The following PXN variants were observed in gnomAD, a reference collection of about 807,000 sequenced individuals.
The protein encoded by PXN is testicular tissue protein Li 134.
PXN carries 61 observed loss-of-function variants against 103.6 expected under a neutral mutation model. That is an observed-to-expected ratio of 0.59 (90% confidence interval 0.48 to 0.73). The LOEUF is 0.73. PXN is among the 30% of genes least tolerant of loss of function. The probability of loss-of-function intolerance (pLI) is 0.00; values close to 1 mark genes in which losing one functional copy is unlikely to be tolerated. For missense variants in PXN, 1,274 were observed against 1,460.3 expected, an observed-to-expected ratio of 0.87 and a Z score of 2.08; for synonymous variants, 562 against 607.8, an observed-to-expected ratio of 0.92 and a Z score of 1.11.
At chr12:120,239,580 T>TCAAAAA (rs1176319948) in intron 1 of PXN, among the ~76,000 whole-genome samples, 5 of 151,718 alleles carry the variant, frequency 3.3e-5, no homozygotes, top group Non-Finnish European at 5.9e-5. Context: ...AGACTCCGTC[T>TCAAAAA]CAAAAACAAA....
rs1880460060 is a variant in PXN, at chr12:120,212,410, G to A, written c.3150C>T (p.Val1050=). 6.2e-7 allele frequency: 1 copy of A among 1,613,914 alleles called. No individual in the cohort carries two copies. The highest frequency in any genetic ancestry group is 1.7e-5 in the Admixed American group (1 of 60,008). The change falls in exon 15 of 15, where the codon GTC becomes GTT. Residue 1050 remains valine, a synonymous_variant. Transcript: ENST00000637617. The surrounding 1 kb of genome is among the most constrained non-coding windows in gnomAD (Gnocchi z 7.2). ...TGAGCTGCTTGAGGCAGAAGGCACA[G>A]ACGAAGTGCTCGGGGTGGAACTTCT... ...MAKKFHPEHF[V]CAFCLKQLNK... is the part of the protein sequence containing the mutation.
At chr12:120,246,246 G>C (rs1891092634) in intron 1 of PXN, among the ~76,000 whole-genome samples, 1 of 152,070 alleles carries the variant, frequency 6.6e-6, no homozygotes, top group South Asian at 2.1e-4. Context: ...AAAAAATTAG[G>C]CTGGGCACAG....
rs377762381 is a variant in PXN at position 120,215,516 on chromosome 12, G to A, written c.2403+44C>T. 1.3e-6 allele frequency: 2 copies of A among 1,535,202 alleles called. No individual in the cohort carries two copies. Among genetic ancestry groups the A allele is most frequent in the Non-Finnish European group, 1.7e-6 (2 of 1,143,402 alleles). ...CCCAGCAGGCATGGCCAAGCCCAGG[G>A]AGAGCACGACACGCAGGACACCCAG... On this transcript the variant is annotated intron_variant, in intron 10 of 14. Transcript: ENST00000637617. The surrounding 1 kb of genome is among the most constrained non-coding windows in gnomAD (Gnocchi z 4.9).
Position 120,219,579 on chromosome 12 carries a change from T to A in PXN, c.1344A>T (p.Arg448Ser), listed in dbSNP as rs779568276. 5 of 1,570,646 alleles carry A rather than the reference T, an allele frequency of 3.2e-6. No homozygotes were observed. The highest frequency in any genetic ancestry group is 4.3e-6 in the Non-Finnish European group (5 of 1,165,832). The stretch of plus-strand genomic sequence containing the variant: ...TTCGAGCAGCTCCAGAGGGGGGCAT[T>A]CTCTCAGGCCCGAATACCTCCGAAG... ...PWASEVFGPERMPPSGAARSF... is the reference protein window; with the variant it reads ...PWASEVFGPESMPPSGAARSF... The change falls in exon 7 of 15, where the codon AGA (arginine) becomes AGT (serine). Residue 448 changes from arginine (R) to serine (S), a missense_variant. Physicochemically the swap from Arg to Ser is moderately radical, Grantham distance 110 (BLOSUM62 -1). Coordinates refer to ENST00000637617, the MANE Select transcript of PXN (RefSeq NM_001385981.1). This position sits in a 1 kb window ranked among gnomAD's most constrained non-coding sequence, Gnocchi z 6.5.
Position 120,215,445 on chromosome 12 carries a change from T to C in PXN, c.2403+115A>G. 6.8e-7 allele frequency: 1 copy of C among 1,461,998 alleles called. No individual in the cohort carries two copies. The highest frequency in any genetic ancestry group is 9.0e-7 in the Non-Finnish European group (1 of 1,110,104). 90.6% of individuals were successfully genotyped at this position (1,461,998 alleles called of 1,614,324 possible). A position where few individuals can be genotyped will look rare whatever the true frequency, so the allele number is the denominator to read the frequency against. On this transcript the variant is annotated intron_variant, in intron 10 of 14. Transcript: ENST00000637617. The surrounding 1 kb of genome is among the most constrained non-coding windows in gnomAD (Gnocchi z 4.9). The stretch of plus-strand genomic sequence containing the variant: ...AAAGTGGGAGTGACGTCAGCAGGAC[T>C]CCTGGTGGTCGGAGGGGCCCACCAG...
chr12:120,256,867 G>A lies in PXN; in HGVS notation c.13+8750C>T, dbSNP rs142371763. On this transcript the variant is annotated intron_variant, in intron 1 of 14. Coordinates refer to ENST00000637617, the MANE Select transcript of PXN (RefSeq NM_001385981.1). ...CGAGTAGCTGGGATTACAAGCATGC[G>A]CCACCACGCCCAGCTAATTTTGTAT... 8.5e-3 allele frequency among the ~76,000 whole-genome samples: 1,295 copies of A among 152,128 alleles called. 16 individuals are homozygous for A. Among genetic ancestry groups the A allele is most frequent in the African/African-American group, 0.03 (1,227 of 41,498 alleles).
chr12:120,223,745 C>T lies in PXN; in HGVS notation c.329G>A (p.Arg110Gln), dbSNP rs780455015. ...GTAGACGTGCTCCTCCTCACCCACT[C>T]GGGAGCACGGAGAGCCAACACTGTC... The part of the protein sequence containing the change: ...PQDSVGSPCS[R>Q]VGEEEHVYSF... Residue 110 changes from arginine to glutamine, a missense_variant, in exon 3 of 15, where the codon CGA becomes CAA. This residue lies in a region of PXN where 1,178 missense variants were observed against 1,309.0 expected (regional missense o/e 0.90). Coordinates refer to ENST00000637617, the MANE Select transcript of PXN (RefSeq NM_001385981.1). The T allele has an allele frequency of 8.7e-6, 14 of 1,604,324 alleles. No individual in the cohort carries two copies. The highest frequency in any genetic ancestry group is 2.7e-5 in the African/African-American group (2 of 74,748).
At chr12:120,246,514 CAAAAAAAAA>C (rs139689226) in intron 1 of PXN, among the ~76,000 whole-genome samples, 2 of 58,342 alleles carry the variant, frequency 3.4e-5, no homozygotes, top group East Asian at 3.7e-4. Context: ...GACTCTGTCT[CAAAAAAAAA>C]AAAAAAAAAA....
In PXN at chr12:120,214,146, AAAG is replaced by A; in HGVS notation, c.2817_2819del (p.Phe940del). 1 of 1,552,724 alleles carries A rather than the reference AAAG, an allele frequency of 6.4e-7. No homozygotes were observed. ...CGGTCCAGCCCGTACCTTCGGGACCAAAGAAGGCTCCACACTGTGCACAGAAGA... is the reference window on the plus strand; with the variant it reads ...CGGTCCAGCCCGTACCTTCGGGACCAAAGGCTCCACACTGTGCACAGAAGA... On this transcript the variant is annotated inframe_deletion, in exon 13 of 15. Transcript: ENST00000637617. This position sits in a 1 kb window ranked among gnomAD's most constrained non-coding sequence, Gnocchi z 5.0.
chr12:120,213,727 A>G lies in PXN; in HGVS notation c.2979+115T>C. The G allele has an allele frequency of 7.2e-7, 1 of 1,391,416 alleles. No homozygotes were observed. The highest frequency in any genetic ancestry group is 9.7e-7 in the Non-Finnish European group (1 of 1,028,590). The allele number at this position is 1,391,416 out of a possible 1,614,324, so 86.2% of individuals were successfully genotyped here. Reference sequence around the variant, plus strand: ...AAGGAGATCCCCTGCCTGCTCCCCCAATTAATAACCCCAAATGAGGCCTCT... The same window carrying G: ...AAGGAGATCCCCTGCCTGCTCCCCCGATTAATAACCCCAAATGAGGCCTCT... On this transcript the variant is annotated intron_variant, in intron 14 of 14. Transcript: ENST00000637617. The surrounding 1 kb of genome is among the most constrained non-coding windows in gnomAD (Gnocchi z 4.2).
At position 120,216,346 on chromosome 12, in the gene PXN, G is replaced by C. The variant is rs1882988243; in HGVS notation, c.2228C>G (p.Pro743Arg). The C allele has an allele frequency of 1.5e-6, 2 of 1,291,236 alleles. No individual in the cohort carries two copies. Among genetic ancestry groups the C allele is most frequent in the East Asian group, 6.2e-5 (2 of 32,016 alleles). 80.0% of individuals were successfully genotyped at this position (1,291,236 alleles called of 1,614,324 possible). Residue 743 changes from proline to arginine, a missense_variant, in exon 9 of 15, where the codon CCC becomes CGC. Physicochemically the swap from Pro to Arg is moderately radical, Grantham distance 103 (BLOSUM62 -2). Around this residue, in one of 2 missense-constraint regions of PXN, gnomAD observed 1,178 missense variants for 1,309.0 expected, o/e 0.90. Transcript: ENST00000637617. The surrounding 1 kb of genome is among the most constrained non-coding windows in gnomAD (Gnocchi z 5.1). ...CCTCATGGTGTGGGGTGCAGGAATGGGAAGGGCAGGGCCCTGCACCCCCTC... is the reference window on the plus strand; with the variant it reads ...CCTCATGGTGTGGGGTGCAGGAATGCGAAGGGCAGGGCCCTGCACCCCCTC... ...HDEGVQGPAL[P>R]IPAPHTMRSV... is the part of the protein sequence containing the mutation.
intron 1 of PXN, among the ~76,000 whole-genome samples, chr12:120,258,859 AGACCAGCCT>A (rs1483661582): frequency 2.0e-5 from 3 of 151,810 alleles, no homozygotes; most frequent in African/African-American, 7.3e-5. Flanking sequence ...CGGGAGTTTG[AGACCAGCCT>A]GACCAGCCTG....
At position 120,221,145 on chromosome 12, in the gene PXN, T is replaced by C. The variant is rs2136280708; in HGVS notation, c.831+478A>G. On this transcript the variant is annotated intron_variant, in intron 6 of 14. Coordinates refer to ENST00000637617, the MANE Select transcript of PXN (RefSeq NM_001385981.1). This position sits in a 1 kb window ranked among gnomAD's most constrained non-coding sequence, Gnocchi z 6.6. ...AAGAGTAGCAAGGGAGGCTTGTGGA[T>C]TCAGGATCAGAGGCAGAAAGAAAGA... Among the ~76,000 whole-genome samples the C allele has an allele frequency of 6.6e-6, 1 of 152,066 alleles. No individual in the cohort carries two copies. Among genetic ancestry groups the C allele is most frequent in the African/African-American group, 2.4e-5 (1 of 41,474 alleles).
At position 120,214,805 on chromosome 12, in the gene PXN, G is replaced by T. The variant is rs534224397; in HGVS notation, c.2748+20C>A. On this transcript the variant is annotated intron_variant, in intron 12 of 14. Coordinates refer to ENST00000637617, the MANE Select transcript of PXN (RefSeq NM_001385981.1). This position sits in a 1 kb window ranked among gnomAD's most constrained non-coding sequence, Gnocchi z 5.0. ...GCTGGAATGAGCGGAAGCGGGCGCG[G>T]TGCCGGATGAGGAACTCACATCCAG... 5.0e-6 allele frequency: 8 copies of T among 1,613,138 alleles called. No individual in the cohort carries two copies. In the Admixed American group the frequency reaches 1.2e-4, roughly 24 times the overall value.
At position 120,265,717 on chromosome 12, in the gene PXN, C is replaced by G. The variant is rs1321778938; in HGVS notation, c.-88G>C. The G allele has an allele frequency of 2.5e-6, 3 of 1,209,100 alleles. No homozygotes were observed. The East Asian group carries it at 1.1e-4, about 45-fold the overall frequency. 74.9% of individuals were successfully genotyped at this position (1,209,100 alleles called of 1,614,324 possible). A position where few individuals can be genotyped will look rare whatever the true frequency, so the allele number is the denominator to read the frequency against. ...TGCCCCGCAACTTTTCCGCCGCGAGCCTCGGCCCGGAACGGAACGCGCCGC... is the reference window on the plus strand; with the variant it reads ...TGCCCCGCAACTTTTCCGCCGCGAGGCTCGGCCCGGAACGGAACGCGCCGC... On this transcript the variant is annotated 5_prime_UTR_variant, in exon 1 of 15. Transcript: ENST00000637617. The surrounding 1 kb of genome is among the most constrained non-coding windows in gnomAD (Gnocchi z 5.7).
In PXN at chr12:120,220,886, C is replaced by T. The variant is rs900370686; in HGVS notation, c.831+737G>A. ...TCCCTAGGTCATGCCCCAAAGGTCT[C>T]CAGCTGACCCACGTGGAAGTATGAA... On this transcript the variant is annotated intron_variant, in intron 6 of 14. Coordinates refer to ENST00000637617, the MANE Select transcript of PXN (RefSeq NM_001385981.1). This position sits in a 1 kb window ranked among gnomAD's most constrained non-coding sequence, Gnocchi z 6.1. Among the ~76,000 whole-genome samples, 4 of 152,306 alleles carry T rather than the reference C, an allele frequency of 2.6e-5. No individual in the cohort carries two copies. Among genetic ancestry groups the T allele is most frequent in the Admixed American group, 1.3e-4 (2 of 15,294 alleles).
Position 120,220,440 on chromosome 12 carries a change from G to A in PXN, c.832-349C>T, listed in dbSNP as rs1041743473. Among the ~76,000 whole-genome samples, 1 of 152,172 alleles carries A rather than the reference G, an allele frequency of 6.6e-6. No individual in the cohort carries two copies. Among genetic ancestry groups the A allele is most frequent in the African/African-American group, 2.4e-5 (1 of 41,440 alleles). On this transcript the variant is annotated intron_variant, in intron 6 of 14. Coordinates refer to ENST00000637617, the MANE Select transcript of PXN (RefSeq NM_001385981.1). This position sits in a 1 kb window ranked among gnomAD's most constrained non-coding sequence, Gnocchi z 6.1. ...ACAAATGGAGGGAGAGCCAGCCCCA[G>A]GGGCTGCTGAACCCGCCTCGGACAC... is the stretch of plus-strand genomic sequence containing the variant.
At chr12:120,237,160 C>T (rs1359564135) in intron 1 of PXN, among the ~76,000 whole-genome samples, 3 of 149,408 alleles carry the variant, frequency 2.0e-5, no homozygotes, top group Non-Finnish European at 3.0e-5. Context: ...CACACACACA[C>T]ACACACACAC....
chr12:120,238,809 T>C (rs1269659721), intron 1 of PXN, among the ~76,000 whole-genome samples: 1 of 152,234 alleles, frequency 6.6e-6, no homozygotes, highest in African/African-American at 2.4e-5. Context: ...TGTCTTGCCA[T>C]GAGGTGCTAG....
Sources: allele counts gnomAD v4.1 joint callset (sites outside exome capture counted in the v4.1 genomes callset), GRCh38; gene constraint gnomAD v4.1.1; regional missense constraint gnomAD v4.1.1; non-coding constraint Gnocchi (gnomAD v3.1); transcripts MANE v1.5; gene names NCBI Gene and HGNC (gene_info 2026-07-23, HGNC 2026-07-21).